The following USP45 variants were observed in gnomAD, a reference collection of about 807,000 sequenced individuals.
The protein encoded by USP45 is ubiquitin carboxyl-terminal hydrolase 45.
A neutral mutation model predicts 95.8 loss-of-function variants in USP45; 89 were observed. The observed-to-expected ratio is 0.93, with a 90% confidence interval of 0.78 to 1.11. USP45 has a LOEUF of 1.11. USP45 is among the 50% of genes least tolerant of loss of function. The pLI is 0.00. For synonymous variants in USP45, 281 were observed against 316.2 expected, an observed-to-expected ratio of 0.89 and a Z score of 1.18; for missense variants, 898 against 942.5, an observed-to-expected ratio of 0.95 and a Z score of 0.62.
At position 99,515,412 on chromosome 6, in the gene USP45, C is replaced by A. The variant is rs566347775; in HGVS notation, c.-31G>T. 1.3e-5 allele frequency: 2 copies of A among 152,262 alleles called. No homozygotes were observed. Among genetic ancestry groups the A allele is most frequent in the Non-Finnish European group, 1.5e-5 (1 of 68,072 alleles). The allele number at this position is 152,262 out of a possible 1,614,324, so 9.4% of individuals were successfully genotyped here. Reference sequence around the variant, plus strand: ...CTCACCCCGCCGGGCCGGGCCGCAGCGTCTACAACCTGGGGAGACTGCGCC... The same window carrying A: ...CTCACCCCGCCGGGCCGGGCCGCAGAGTCTACAACCTGGGGAGACTGCGCC... On this transcript the variant is annotated 5_prime_UTR_variant, in exon 1 of 18. Transcript: ENST00000500704.
chr6:99,461,703 A>G (rs973568334), intron 13 of USP45: 8 of 985,074 alleles, frequency 8.1e-6, no homozygotes, highest in Non-Finnish European at 9.6e-6. Context: ...GGCAAACAGA[A>G]AAGGTAAAAA....
Position 99,434,811 on chromosome 6 carries a change from A to G in USP45, c.*905T>C, listed in dbSNP as rs1053925633. 6.6e-6 allele frequency: 1 copy of G among 152,212 alleles called. No individual in the cohort carries two copies. The allele number at this position is 152,212 out of a possible 1,614,324, so 9.4% of individuals were successfully genotyped here. On this transcript the variant is annotated 3_prime_UTR_variant, in exon 18 of 18. Transcript: ENST00000500704. Reference sequence around the variant, plus strand: ...TATTTCAAAGCTATCCTATGGTCCTATATGGATTATCAACTTCTAATTGCC... The same window carrying G: ...TATTTCAAAGCTATCCTATGGTCCTGTATGGATTATCAACTTCTAATTGCC...
intron 13 of USP45, among the ~76,000 whole-genome samples, chr6:99,453,625 T>C (rs994194345): frequency 3.3e-5 from 5 of 152,186 alleles, no homozygotes; most frequent in African/African-American, 1.2e-4. Context: ...AAAATTCCAA[T>C]GACGTTTTTC....
intron 13 of USP45, among the ~76,000 whole-genome samples, chr6:99,447,511 T>C (rs1218099141): frequency 6.6e-6 from 1 of 152,090 alleles, no homozygotes; most frequent in Non-Finnish European, 1.5e-5. Flanking sequence ...ATTATACATA[T>C]AATACTAACA....
intron 13 of USP45, among the ~76,000 whole-genome samples, chr6:99,453,850 C>G (rs890734095): frequency 2.0e-5 from 3 of 152,124 alleles, no homozygotes; most frequent in Non-Finnish European, 2.9e-5. Context: ...ATCCCAGCTA[C>G]TTGGGAGGCT....
chr6:99,449,640 C>A (rs1461778917), intron 13 of USP45, among the ~76,000 whole-genome samples: 1 of 83,056 alleles, frequency 1.2e-5, no homozygotes, highest in East Asian at 2.3e-4. Flanking sequence ...AGAAAGTTAA[C>A]AAGGATAGCC....
intron 5 of USP45, among the ~76,000 whole-genome samples, chr6:99,491,432 C>G (rs1795152203): frequency 6.6e-6 from 1 of 152,170 alleles, no homozygotes; most frequent in South Asian, 2.1e-4. Flanking sequence ...GGTTCAGACT[C>G]TCATTATTGC....
intron 4 of USP45, 67 bp downstream of exon 4, chr6:99,507,361 C>T (rs1798774992): frequency 1.2e-6 from 1 of 815,614 alleles, no homozygotes; most frequent in African/African-American, 2.2e-5. Context: ...ACCTTAAAAG[C>T]TTAAAGAAAA....
chr6:99,441,318 G>A (rs1224018314), intron 15 of USP45, among the ~76,000 whole-genome samples: 2 of 152,108 alleles, frequency 1.3e-5, no homozygotes, highest in African/African-American at 4.8e-5. Flanking sequence ...GATCACCTGA[G>A]GTCAGGAGTT....
intron 7 of USP45, among the ~76,000 whole-genome samples, chr6:99,484,345 T>C (rs1014514762): frequency 6.7e-6 from 1 of 149,676 alleles, no homozygotes; most frequent in Non-Finnish European, 1.5e-5. Context: ...TTTTTAAAAT[T>C]TTTGTAGAGA....
Position 99,490,343 on chromosome 6 carries a change from T to C in USP45, c.479-1523A>G, listed in dbSNP as rs1445444704. 4.0e-5 allele frequency among the ~76,000 whole-genome samples: 6 copies of C among 151,790 alleles called. No individual in the cohort carries two copies. In the East Asian group the frequency reaches 1.2e-3, roughly 29 times the overall value. On this transcript the variant is annotated intron_variant, in intron 5 of 17. Coordinates refer to ENST00000500704, the MANE Select transcript of USP45 (RefSeq NM_001346022.3). ...CACACCCAGCTAATTTTTGTATTTT[T>C]TTTCTTTTTTTTTTTTAGTAGAGAA... is the stretch of plus-strand genomic sequence containing the variant.
chr6:99,447,338 G>A (rs1782756392), intron 13 of USP45, among the ~76,000 whole-genome samples: 1 of 152,174 alleles, frequency 6.6e-6, no homozygotes, highest in Non-Finnish European at 1.5e-5. Context: ...ACTATCATGA[G>A]TAATTGATAC....
At chr6:99,496,758 T>C (rs1014768610) in intron 5 of USP45, among the ~76,000 whole-genome samples, 2 of 149,790 alleles carry the variant, frequency 1.3e-5, no homozygotes, top group Non-Finnish European at 3.0e-5. Context: ...TGGCCCACTT[T>C]AAAAAAAAAA....
chr6:99,502,644 C>T (rs1797636970), intron 5 of USP45, among the ~76,000 whole-genome samples: 1 of 152,186 alleles, frequency 6.6e-6, no homozygotes, highest in African/African-American at 2.4e-5. Context: ...GGATCTGTGT[C>T]CACACCCAAA....
intron 13 of USP45, among the ~76,000 whole-genome samples, chr6:99,459,751 T>C (rs1289657407): frequency 6.6e-6 from 1 of 152,214 alleles, no homozygotes; most frequent in Non-Finnish European, 1.5e-5. Flanking sequence ...GTTTTTCATA[T>C]GCCTGTTGGC....
intron 5 of USP45, among the ~76,000 whole-genome samples, chr6:99,500,492 A>C (rs1797152514): frequency 6.6e-6 from 1 of 152,160 alleles, no homozygotes; most frequent in Non-Finnish European, 1.5e-5. Flanking sequence ...ATACTTATTC[A>C]AGAAATCAGT....
At chr6:99,484,865 T>A (rs9373169) in intron 7 of USP45, among the ~76,000 whole-genome samples, 58,315 of 149,084 alleles carry the variant, frequency 0.39, 11,658 homozygotes, top group East Asian at 0.57. Flanking sequence ...TATTTTTTTT[T>A]AAAGTGTTTT....
intron 5 of USP45, among the ~76,000 whole-genome samples, chr6:99,495,362 T>C (rs1796080938): frequency 6.6e-6 from 1 of 152,234 alleles, no homozygotes; most frequent in Admixed American, 6.5e-5. Flanking sequence ...TATTTGTGAA[T>C]TGCCTTGGTT....
chr6:99,483,359 TA>T (rs1792897691), intron 7 of USP45, among the ~76,000 whole-genome samples: 1 of 152,170 alleles, frequency 6.6e-6, no homozygotes, highest in African/African-American at 2.4e-5. Flanking sequence ...CTCCCTCTTT[TA>T]AAGGGGAGAG....
Sources: gnomAD v4.1 joint callset for allele counts (sites outside exome capture counted in the v4.1 genomes callset) on GRCh38, gnomAD v4.1.1 for gene constraint, MANE v1.5 for transcripts, NCBI Gene and HGNC (gene_info 2026-07-23, HGNC 2026-07-21) for gene names.